NLRC5: variants seen among roughly 807,000 people sequenced by gnomAD.
NLRC5 encodes protein NLRC5.
In NLRC5, 114 loss-of-function variants were observed where a neutral mutation model predicts 206.9. The ratio of observed to expected loss-of-function variants is 0.55; its 90% CI spans 0.47 to 0.64. NLRC5 has a LOEUF of 0.64. NLRC5 is among the 30% of genes least tolerant of loss of function. The pLI, the probability that NLRC5 is intolerant of heterozygous loss-of-function variation, is 0.00. For synonymous variants in NLRC5, 952 were observed against 962.8 expected (o/e 0.99, Z 0.21); for missense variants, 2,008 against 2,305.5 (o/e 0.87, Z 2.64).
At chr16:57,018,141 C>T (rs1175255344) in intron 2 of NLRC5, among the ~76,000 whole-genome samples, 1 of 152,248 alleles carries the variant, frequency 6.6e-6, no homozygotes, top group African/African-American at 2.4e-5. Flanking sequence ...TTACTTCCAT[C>T]TGGTGCCATG....
At chr16:57,054,482 T>C (rs1202742254) in intron 24 of NLRC5, among the ~76,000 whole-genome samples, 1 of 152,188 alleles carries the variant, frequency 6.6e-6, no homozygotes, top group Non-Finnish European at 1.5e-5. Context: ...TCGAGAGTCA[T>C]ACATGACGAG....
At chr16:57,005,386 T>C (rs1301899866) in intron 1 of NLRC5, among the ~76,000 whole-genome samples, 1 of 151,864 alleles carries the variant, frequency 6.6e-6, no homozygotes, top group Non-Finnish European at 1.5e-5. Flanking sequence ...GGGTCAGGCA[T>C]GGTGGCTCAC....
At chr16:56,998,247 G>C (rs1237922431) in intron 1 of NLRC5, among the ~76,000 whole-genome samples, 1 of 148,458 alleles carries the variant, frequency 6.7e-6, no homozygotes. Flanking sequence ...AACCACACAA[G>C]TAAGACACGA....
At chr16:57,064,866 G>A (rs1021885923) in intron 32 of NLRC5, among the ~76,000 whole-genome samples, 4 of 152,176 alleles carry the variant, frequency 2.6e-5, no homozygotes, top group Non-Finnish European at 1.5e-5. Flanking sequence ...AGAGGTTGCA[G>A]TGATCTGAGA....
At chr16:57,012,776 CA>C (rs1376716056) in intron 1 of NLRC5, among the ~76,000 whole-genome samples, 2 of 152,146 alleles carry the variant, frequency 1.3e-5, no homozygotes, top group Non-Finnish European at 2.9e-5. Context: ...AAGGAACTGC[CA>C]AAACTGCCAA....
intron 30 of NLRC5, among the ~76,000 whole-genome samples, chr16:57,059,775 A>T (rs1468822209): frequency 6.6e-6 from 1 of 152,068 alleles, no homozygotes; most frequent in African/African-American, 2.4e-5. Flanking sequence ...TCAGCCCAAC[A>T]TTCTCTTCCT....
intron 28 of NLRC5, among the ~76,000 whole-genome samples, chr16:57,058,746 C>T (rs1411906617): frequency 3.3e-5 from 5 of 152,210 alleles, no homozygotes; most frequent in African/African-American, 1.2e-4. Context: ...ACAGGGGCAG[C>T]GGGCAGGGTG....
chr16:57,076,868 G>A lies in NLRC5; in HGVS notation c.4801G>A (p.Ala1601Thr). The A allele has an allele frequency of 3.1e-6, 5 of 1,614,052 alleles. No homozygotes were observed. Among genetic ancestry groups the A allele is most frequent in the Non-Finnish European group, 4.2e-6 (5 of 1,180,026 alleles). ...GDVGCCHLSE[A>T]LRAATSLEEL... ...TGTCGGTTGCTGCCACCTTTCTGAGGCTCTCAGGGCTGCCACCAGCCTAGA... is the reference window on the plus strand; with the variant it reads ...TGTCGGTTGCTGCCACCTTTCTGAGACTCTCAGGGCTGCCACCAGCCTAGA... The change falls in exon 40 of 49, where the codon GCT becomes ACT. Residue 1601 changes from alanine (A) to threonine (T), a missense_variant. Ala to Thr is a moderately conservative substitution (Grantham distance 58). Transcript: ENST00000688547.
intron 43 of NLRC5, 127 bp from the exon 44 acceptor site, chr16:57,078,923 C>A (rs2068776420): frequency 1.2e-6 from 1 of 818,050 alleles, no homozygotes; most frequent in Non-Finnish European, 2.0e-6. Flanking sequence ...CTACCCAGGT[C>A]CTGTGTGGAT....
In NLRC5 at chr16:57,023,707, G is replaced by A. The variant is rs1684575; in HGVS notation, c.356-78G>A. 5.5e-5 allele frequency: 70 copies of A among 1,261,700 alleles called. No homozygotes were observed. The Middle Eastern group carries it at 7.5e-4, about 13-fold the overall frequency. The allele number at this position is 1,261,700 out of a possible 1,614,324, so 78.2% of individuals were successfully genotyped here. On this transcript the variant is annotated intron_variant, in intron 4 of 48. Coordinates refer to ENST00000688547, the MANE Select transcript of NLRC5 (RefSeq NM_001384950.1). ...GCCTGCCACCTGTCTGTGGACTGGA[G>A]TTCCCCAAAGGTTCTGGGTAACCCC...
chr16:57,038,454 T>G (rs1381557573), intron 15 of NLRC5, among the ~76,000 whole-genome samples: 1 of 152,080 alleles, frequency 6.6e-6, no homozygotes, highest in Non-Finnish European at 1.5e-5. Flanking sequence ...GAGAGGGTCT[T>G]GCTATATTGA....
At chr16:57,021,157 A>C in intron 3 of NLRC5, 150 bp downstream of exon 3, 1 of 696,844 alleles carries the variant, frequency 1.4e-6, no homozygotes, top group Non-Finnish European at 2.3e-6. Flanking sequence ...CCCAGAACAA[A>C]TTTCCTAATG....
At chr16:57,009,914 T>C (rs2059317605) in intron 1 of NLRC5, among the ~76,000 whole-genome samples, 1 of 151,456 alleles carries the variant, frequency 6.6e-6, no homozygotes, top group Non-Finnish European at 1.5e-5. Flanking sequence ...CTGCGTGGAG[T>C]AGGTTATTGG....
intron 32 of NLRC5, among the ~76,000 whole-genome samples, chr16:57,064,204 AAAAAAT>A (rs2066846984): frequency 6.6e-6 from 1 of 151,902 alleles, no homozygotes; most frequent in South Asian, 2.1e-4. Context: ...CCATATCTAC[AAAAAAT>A]AAAAATAAAA....
chr16:57,035,968 C>T (rs1344103629), intron 13 of NLRC5, 132 bp from the exon 14 acceptor site: 21 of 797,618 alleles, frequency 2.6e-5, no homozygotes, highest in Non-Finnish European at 3.3e-5. Context: ...TGGAGTCTGT[C>T]GATTTCAGTT....
intron 1 of NLRC5, among the ~76,000 whole-genome samples, chr16:57,004,978 C>A (rs1267355174): frequency 6.6e-6 from 1 of 152,170 alleles, no homozygotes; most frequent in East Asian, 1.9e-4. Flanking sequence ...TGCAACTCCA[C>A]GTGTCTGGAT....
chr16:57,049,387 T>C (rs2064502902), intron 23 of NLRC5, among the ~76,000 whole-genome samples: 1 of 152,170 alleles, frequency 6.6e-6, no homozygotes, highest in Admixed American at 6.5e-5. Flanking sequence ...ACAAGGAGAC[T>C]GGGATGCGGG....
chr16:57,002,989 G>A (rs1487999242), intron 1 of NLRC5, among the ~76,000 whole-genome samples: 2 of 151,974 alleles, frequency 1.3e-5, no homozygotes, highest in Non-Finnish European at 2.9e-5. Context: ...TGTAGTGGCT[G>A]TACTAATTTA....
chr16:57,023,586 G>A (rs1240849939), intron 4 of NLRC5, among the ~76,000 whole-genome samples, 199 bp from the exon 5 acceptor site: 1 of 152,178 alleles, frequency 6.6e-6, no homozygotes, highest in Non-Finnish European at 1.5e-5. Context: ...TCCAATGGGG[G>A]TGCCTAGAAG....
Sources: allele counts gnomAD v4.1 joint callset (sites outside exome capture counted in the v4.1 genomes callset), GRCh38; gene constraint gnomAD v4.1.1; transcripts MANE v1.5; gene names NCBI Gene and HGNC (gene_info 2026-07-23, HGNC 2026-07-21).